Variants in RGS20 observed in about 807,000 individuals in gnomAD.
RGS20 encodes gz-selective GTPase-activating protein.
RGS20 carries 30 observed loss-of-function variants against 33.6 expected under a neutral mutation model. The ratio of observed to expected loss-of-function variants is 0.89; its 90% CI spans 0.67 to 1.21. The LOEUF (loss-of-function observed/expected upper bound fraction) is 1.21, where lower values mean the gene tolerates loss of function less well. Ranked by LOEUF, RGS20 falls within the 50% of genes most tolerant of loss-of-function variation. The pLI, the probability that RGS20 is intolerant of heterozygous loss-of-function variation, is 0.00. For synonymous variants in RGS20, 208 were observed against 197.9 expected (o/e 1.05, Z -0.43); for missense variants, 472 against 502.4 (o/e 0.94, Z 0.58).
chr8:53,913,849 G>A (rs1813412435), intron 2 of RGS20: 1 of 152,348 alleles, frequency 6.6e-6, no homozygotes, highest in Non-Finnish European at 1.5e-5. Flanking sequence ...GGCAGCTCTA[G>A]GAAACTAATC....
chr8:53,955,583 A>AT (rs369655597), intron 5 of RGS20, among the ~76,000 whole-genome samples: 332 of 152,290 alleles, frequency 2.2e-3, no homozygotes, highest in Non-Finnish European at 3.6e-3. Flanking sequence ...TAATCGCAGC[A>AT]TTTTGGCAGG....
At chr8:53,852,567 C>G (rs1811590484) in intron 1 of RGS20, among the ~76,000 whole-genome samples, 1 of 152,080 alleles carries the variant, frequency 6.6e-6, no homozygotes, top group African/African-American at 2.4e-5. Flanking sequence ...GCATGAGTTT[C>G]TATCAGTAGG....
At chr8:53,950,555 A>T (rs1366607489) in intron 4 of RGS20, among the ~76,000 whole-genome samples, 1 of 152,154 alleles carries the variant, frequency 6.6e-6, no homozygotes, top group African/African-American at 2.4e-5. Context: ...TTGGATGTTC[A>T]ACCTATATAA....
rs369278527 is a variant in RGS20 at position 53,883,025 on chromosome 8, C to CT, written c.510+3424dup. ...CAAGGACATTTCTAGTGAAATTACT[C>CT]TATCTGTAAGTTTTTTGGCACAACC... On this transcript the variant is annotated intron_variant, in intron 2 of 5. Coordinates refer to ENST00000297313, the MANE Select transcript of RGS20 (RefSeq NM_170587.4). Among the ~76,000 whole-genome samples, 82 of 152,348 alleles carry CT rather than the reference C, an allele frequency of 5.4e-4. 1 individual carries two copies. The highest frequency in any genetic ancestry group is 1.8e-3 in the African/African-American group (73 of 41,574).
intron 4 of RGS20, 84 bp from the exon 4 acceptor site, chr8:53,953,992 G>A: frequency 1.1e-6 from 1 of 946,254 alleles, no homozygotes; most frequent in South Asian, 1.3e-5. Context: ...CTTGGAGGAG[G>A]AAAAGATATG....
At chr8:53,874,213 T>C (rs962636278) in intron 1 of RGS20, among the ~76,000 whole-genome samples, 4 of 152,072 alleles carry the variant, frequency 2.6e-5, no homozygotes, top group Non-Finnish European at 4.4e-5. Context: ...TCTGCACCTG[T>C]AGAGTGACAT....
chr8:53,883,596 T>C (rs1380397927), intron 2 of RGS20, among the ~76,000 whole-genome samples: 1 of 152,170 alleles, frequency 6.6e-6, no homozygotes, highest in East Asian at 1.9e-4. Context: ...TAGTTACTTA[T>C]CCTCTCTGGG....
At chr8:53,941,042 C>T (rs557235704) in intron 3 of RGS20, among the ~76,000 whole-genome samples, 17 of 152,154 alleles carry the variant, frequency 1.1e-4, no homozygotes, top group Non-Finnish European at 1.9e-4. Flanking sequence ...TCAAACCTTC[C>T]GCTCCCTCCT....
At chr8:53,905,280 T>G (rs1390951191) in intron 2 of RGS20, among the ~76,000 whole-genome samples, 1 of 152,244 alleles carries the variant, frequency 6.6e-6, no homozygotes, top group African/African-American at 2.4e-5. Context: ...CAGAAATTTT[T>G]GAAAACCCAT....
Position 53,877,409 on chromosome 8 carries a change from G to A in RGS20, c.166-1849G>A, listed in dbSNP as rs969617967. On this transcript the variant is annotated intron_variant, in intron 1 of 5. Transcript: ENST00000297313. This position sits in a 1 kb window ranked among gnomAD's most constrained non-coding sequence, Gnocchi z 5.7. The stretch of plus-strand genomic sequence containing the variant: ...AGGTGCCGCCCAGGACTAGCTGCCC[G>A]GCGGAGGCCGAGCACGCTTGGCGGC... 2.0e-5 allele frequency among the ~76,000 whole-genome samples: 3 copies of A among 152,284 alleles called. No homozygotes were observed. The highest frequency in any genetic ancestry group is 2.9e-5 in the Non-Finnish European group (2 of 68,022).
chr8:53,883,919 C>T (rs1356064982), intron 2 of RGS20, among the ~76,000 whole-genome samples: 1 of 150,724 alleles, frequency 6.6e-6, no homozygotes, highest in Non-Finnish European at 1.5e-5. Flanking sequence ...GCACTCCAGC[C>T]TGGGCAACAA....
chr8:53,958,206 A>C, intron 5 of RGS20, 64 bp from the exon 5 acceptor site: 1 of 1,172,902 alleles, frequency 8.5e-7, no homozygotes, highest in Non-Finnish European at 1.2e-6. Flanking sequence ...CACAAGCTCT[A>C]GGAGTTTGGG....
At chr8:53,904,360 G>T (rs1370029871) in intron 2 of RGS20, among the ~76,000 whole-genome samples, 3 of 152,138 alleles carry the variant, frequency 2.0e-5, no homozygotes. Flanking sequence ...TCGAACTCCT[G>T]ACCTCAAGTG....
At chr8:53,951,007 C>G (rs984432315) in intron 4 of RGS20, among the ~76,000 whole-genome samples, 2 of 152,102 alleles carry the variant, frequency 1.3e-5, no homozygotes, top group Non-Finnish European at 2.9e-5. Context: ...ACTACTAGAA[C>G]GTTAAATGAT....
chr8:53,866,827 T>A (rs1008778690), intron 1 of RGS20, among the ~76,000 whole-genome samples: 2 of 152,022 alleles, frequency 1.3e-5, no homozygotes, highest in Non-Finnish European at 2.9e-5. Flanking sequence ...ACTGTGGGGA[T>A]GTTGAGAAGT....
At chr8:53,949,287 TTATA>T (rs1372844759) in intron 4 of RGS20, among the ~76,000 whole-genome samples, 1 of 147,312 alleles carries the variant, frequency 6.8e-6, no homozygotes, top group African/African-American at 2.5e-5. Context: ...CAGTATATAT[TTATA>T]TATACTATAT....
intron 2 of RGS20, among the ~76,000 whole-genome samples, chr8:53,938,857 G>A (rs1283033742): frequency 6.6e-6 from 1 of 152,142 alleles, no homozygotes; most frequent in Admixed American, 6.5e-5. Flanking sequence ...CTTTTGTGTC[G>A]TATGGCTTGG....
intron 2 of RGS20, among the ~76,000 whole-genome samples, chr8:53,932,492 C>T (rs184631116): frequency 6.6e-6 from 1 of 152,302 alleles, no homozygotes; most frequent in East Asian, 1.9e-4. Flanking sequence ...TCCCCTCACA[C>T]AGTGTAAACA....
chr8:53,900,643 C>A (rs1176689106), intron 2 of RGS20, among the ~76,000 whole-genome samples: 3 of 152,198 alleles, frequency 2.0e-5, no homozygotes, highest in Non-Finnish European at 4.4e-5. Context: ...ATCCTCTTAA[C>A]AAATCTCAAG....
Sources: gnomAD v4.1 joint callset for allele counts (sites outside exome capture counted in the v4.1 genomes callset) on GRCh38, gnomAD v4.1.1 for gene constraint, Gnocchi (gnomAD v3.1) non-coding constraint, MANE v1.5 for transcripts, NCBI Gene and HGNC (gene_info 2026-07-23, HGNC 2026-07-21) for gene names.